CCNY: variants seen among roughly 807,000 people sequenced by gnomAD.
The protein encoded by CCNY is cyclin-Y.
Under a neutral mutation model 42.8 loss-of-function variants are expected in CCNY, and 19 were observed. The ratio of observed to expected loss-of-function variants is 0.44; its 90% CI spans 0.31 to 0.65. The LOEUF is 0.65. Ranked by LOEUF, CCNY falls within the 30% of genes least tolerant of loss-of-function variation. The pLI is 0.07. For synonymous variants in CCNY, 165 were observed against 162.7 expected (o/e 1.01, Z -0.11); for missense variants, 370 against 437.3 (o/e 0.85, Z 1.37).
At chr10:35,500,495 G>A (rs1341373670) in intron 2 of CCNY, among the ~76,000 whole-genome samples, 5 of 152,206 alleles carry the variant, frequency 3.3e-5, no homozygotes, top group Non-Finnish European at 7.3e-5. Context: ...CAGAGGCATG[G>A]ACTGTAAGGA....
At chr10:35,458,554 C>T (rs918001075) in intron 1 of CCNY, among the ~76,000 whole-genome samples, 14 of 152,208 alleles carry the variant, frequency 9.2e-5, no homozygotes, top group Admixed American at 2.6e-4. Flanking sequence ...TTCTCTTAGG[C>T]ACTGAGGATT....
intron 1 of CCNY, among the ~76,000 whole-genome samples, chr10:35,476,424 T>C (rs1420030814): frequency 6.6e-6 from 1 of 152,060 alleles, no homozygotes; most frequent in Non-Finnish European, 1.5e-5. Context: ...ACAGAAATTA[T>C]AACAAAGTAT....
At chr10:35,347,374 G>T in intron 1 of CCNY, 1 of 872,914 alleles carries the variant, frequency 1.1e-6, no homozygotes, top group Non-Finnish European at 1.4e-6. Context: ...CAGTTGGGTG[G>T]TGAAATGCAA....
At chr10:35,433,502 C>T (rs1165646735) in intron 1 of CCNY, among the ~76,000 whole-genome samples, 2 of 152,044 alleles carry the variant, frequency 1.3e-5, no homozygotes, top group African/African-American at 4.8e-5. Context: ...AAATAATGTT[C>T]AGTGTTCCAA....
At chr10:35,425,979 T>A (rs1838256273) in intron 1 of CCNY, among the ~76,000 whole-genome samples, 1 of 151,868 alleles carries the variant, frequency 6.6e-6, no homozygotes, top group Non-Finnish European at 1.5e-5. Flanking sequence ...GCAGCTTCCT[T>A]TTCACCCTGG....
At chr10:35,358,403 AGAG>A (rs1836608902) in intron 1 of CCNY, among the ~76,000 whole-genome samples, 2 of 152,186 alleles carry the variant, frequency 1.3e-5, no homozygotes, top group African/African-American at 2.4e-5. Context: ...AGAGAGTAGA[AGAG>A]AGTTATGTAT....
chr10:35,290,342 G>A (rs990140984), intron 3 of CCNY, among the ~76,000 whole-genome samples: 4 of 151,648 alleles, frequency 2.6e-5, no homozygotes, highest in South Asian at 2.1e-4. Context: ...CTTGAGCCCA[G>A]GAGGCAGAGG....
In CCNY at chr10:35,501,513, G is replaced by A. The variant is rs767302118; in HGVS notation, c.242G>A (p.Arg81His). ...SKSQTDVREK[R>H]KSLFINHHPP... Reference sequence around the variant, plus strand: ...TTTGTTTTCACAGTGAGAGAAAAACGCAAGAGTCTCTTCATTAACCATGTA... The same window carrying A: ...TTTGTTTTCACAGTGAGAGAAAAACACAAGAGTCTCTTCATTAACCATGTA... Residue 81 changes from arginine to histidine, a missense_variant, in exon 3 of 10, where the codon CGC becomes CAC. Arg to His is a conservative substitution (Grantham distance 29). This residue lies in a region of CCNY where 136 missense variants were observed against 124.2 expected (regional missense o/e 1.09). Coordinates refer to ENST00000374704, the MANE Select transcript of CCNY (RefSeq NM_145012.6). The A allele has an allele frequency of 3.1e-6, 5 of 1,613,688 alleles. No individual in the cohort carries two copies. The highest frequency in any genetic ancestry group is 1.1e-5 in the South Asian group (1 of 91,076).
intron 3 of CCNY, among the ~76,000 whole-genome samples, chr10:35,508,580 A>G (rs1016797859): frequency 6.6e-6 from 1 of 152,086 alleles, no homozygotes; most frequent in Non-Finnish European, 1.5e-5. Context: ...CTGGGGTGCT[A>G]TTGCTTCTAG....
chr10:35,552,452 G>A (rs1033141601), intron 7 of CCNY, among the ~76,000 whole-genome samples: 3 of 152,198 alleles, frequency 2.0e-5, no homozygotes, highest in African/African-American at 7.2e-5. Flanking sequence ...TGGTTGCACA[G>A]CAGTGTGTCA....
rs557128795 is a variant in CCNY, at chr10:35,369,984, G to T, written c.154+32777G>T. ...ATTTAAATATTCAGGGATCAGATGGGAGGACATGCATTTTTTAGTAAGCCT... is the reference window on the plus strand; with the variant it reads ...ATTTAAATATTCAGGGATCAGATGGTAGGACATGCATTTTTTAGTAAGCCT... On this transcript the variant is annotated intron_variant, in intron 1 of 9. Transcript: ENST00000374704. Among the ~76,000 whole-genome samples the T allele has an allele frequency of 2.6e-5, 4 of 152,282 alleles. No homozygotes were observed. The South Asian group carries it at 8.3e-4, about 32-fold the overall frequency.
chr10:35,494,716 C>T, intron 2 of CCNY, among the ~76,000 whole-genome samples: 1 of 152,202 alleles, frequency 6.6e-6, no homozygotes. Context: ...AAAATGCTAA[C>T]ACACCAATAG....
chr10:35,300,226 C>T (rs1835517598), intron 3 of CCNY, among the ~76,000 whole-genome samples: 1 of 152,208 alleles, frequency 6.6e-6, no homozygotes, highest in Admixed American at 6.5e-5. Flanking sequence ...CTGTGGTACC[C>T]CGCCCTGGAA....
rs192140050 is a variant in CCNY at position 35,370,772 on chromosome 10, G to A, written c.154+33565G>A. 1.5e-3 allele frequency among the ~76,000 whole-genome samples: 220 copies of A among 151,710 alleles called. 1 individual carries two copies. Among genetic ancestry groups the A allele is most frequent in the Non-Finnish European group, 2.5e-3 (167 of 67,994 alleles). ...GCACTTTCGCCCAGGCTGGAGTGCA[G>A]TGGGGCCATCTTGGCTCACTACAAG... On this transcript the variant is annotated intron_variant, in intron 1 of 9. Transcript: ENST00000374704.
intron 3 of CCNY, among the ~76,000 whole-genome samples, chr10:35,515,620 A>AT (rs1840412374): frequency 6.6e-6 from 1 of 152,216 alleles, no homozygotes; most frequent in South Asian, 2.1e-4. Context: ...GCTGAAAATG[A>AT]CACTTAGACA....
intron 3 of CCNY, among the ~76,000 whole-genome samples, chr10:35,318,905 A>G (rs1835791255): frequency 6.6e-6 from 1 of 152,130 alleles, no homozygotes; most frequent in Non-Finnish European, 1.5e-5. Flanking sequence ...TCTGTTACCC[A>G]GGTGACAGTT....
chr10:35,509,127 C>T (rs1200233328), intron 3 of CCNY, among the ~76,000 whole-genome samples: 1 of 152,136 alleles, frequency 6.6e-6, no homozygotes, highest in Non-Finnish European at 1.5e-5. Flanking sequence ...GGCATTTTCC[C>T]AATTTTTGTT....
At chr10:35,497,755 C>T (rs1671655149) in intron 2 of CCNY, among the ~76,000 whole-genome samples, 1 of 148,342 alleles carries the variant, frequency 6.7e-6, no homozygotes, top group Non-Finnish European at 1.5e-5. Context: ...AAAAATTCTA[C>T]TTATCTTATT....
chr10:35,254,954 G>C (rs1336881298), intron 3 of CCNY, among the ~76,000 whole-genome samples: 1 of 151,994 alleles, frequency 6.6e-6, no homozygotes, highest in African/African-American at 2.4e-5. Flanking sequence ...TGGTCAGAGA[G>C]GATACGTTGT....
Sources: allele counts gnomAD v4.1 joint callset (sites outside exome capture counted in the v4.1 genomes callset), GRCh38; gene constraint gnomAD v4.1.1; regional missense constraint gnomAD v4.1.1; transcripts MANE v1.5; gene names NCBI Gene and HGNC (gene_info 2026-07-23, HGNC 2026-07-21).